The following CFAP251 variants were observed in gnomAD, a reference collection of about 807,000 sequenced individuals.
CFAP251 encodes cilia- and flagella-associated protein 251.
Under a neutral mutation model 126.7 loss-of-function variants are expected in CFAP251, and 93 were observed. That is an observed-to-expected ratio of 0.73 (90% CI 0.62 to 0.87). The LOEUF (loss-of-function observed/expected upper bound fraction) is 0.87, where lower values mean the gene tolerates loss of function less well. Among genes scored for constraint, CFAP251 ranks in the 40% least tolerant of loss-of-function variants. The pLI, the probability that CFAP251 is intolerant of heterozygous loss-of-function variation, is 0.00. For synonymous variants in CFAP251, 503 were observed against 506.9 expected, an observed-to-expected ratio of 0.99 and a Z score of 0.10; for missense variants, 1,287 against 1,389.2, an observed-to-expected ratio of 0.93 and a Z score of 1.17.
rs372896102 is a variant in CFAP251 at position 121,934,226 on chromosome 12, G to A, written c.889-21G>A. On this transcript the variant is annotated intron_variant, in intron 4 of 21. Transcript: ENST00000288912. Reference sequence around the variant, plus strand: ...GGCCGCATCTTGGATGTTTCAAAGCGTTTTCTCTCCATTTCCATAGGGCCA... The same window carrying A: ...GGCCGCATCTTGGATGTTTCAAAGCATTTTCTCTCCATTTCCATAGGGCCA... 8.7e-5 allele frequency: 139 copies of A among 1,604,078 alleles called. 1 individual carries two copies. In the African/African-American group the frequency reaches 1.4e-3, roughly 16 times the overall value.
intron 20 of CFAP251, among the ~76,000 whole-genome samples, chr12:122,000,244 C>T (rs908983027): frequency 1.1e-4 from 16 of 152,156 alleles, no homozygotes; most frequent in African/African-American, 3.9e-4. Flanking sequence ...ATCCATCTCC[C>T]TGGGCTGTCA....
chr12:121,927,005 A>G (rs1880445117), intron 3 of CFAP251, among the ~76,000 whole-genome samples: 1 of 152,114 alleles, frequency 6.6e-6, no homozygotes, highest in South Asian at 2.1e-4. Flanking sequence ...CAACTTATAC[A>G]TGTTTGAAGG....
In CFAP251 at chr12:121,921,366, A is replaced by G. The variant is rs2135741217; in HGVS notation, c.61A>G (p.Lys21Glu). The G allele has an allele frequency of 6.2e-7, 1 of 1,608,340 alleles. No homozygotes were observed. The highest frequency in any genetic ancestry group is 8.5e-7 in the Non-Finnish European group (1 of 1,178,656). ...AGGAGAAAATGGAGAAACAGAAATG[A>G]AAGAAGAGGAGGAACCTAATCCAAA... The part of the protein sequence containing the change: ...ATGENGETEM[K>E]EEEEPNPNYK... Residue 21 changes from lysine to glutamate, a missense_variant, in exon 2 of 22, where the codon AAA becomes GAA. Transcript: ENST00000288912.
chr12:121,982,440 C>T (rs975600776), intron 19 of CFAP251, among the ~76,000 whole-genome samples: 22 of 151,096 alleles, frequency 1.5e-4, no homozygotes, highest in African/African-American at 2.7e-4. Context: ...AGTGCAATGG[C>T]GCCATCTCAG....
At chr12:121,984,573 T>A (rs1326546478) in intron 19 of CFAP251, among the ~76,000 whole-genome samples, 2 of 152,222 alleles carry the variant, frequency 1.3e-5, no homozygotes, top group African/African-American at 4.8e-5. Flanking sequence ...CCCAAAGTGC[T>A]GGGATTACAA....
chr12:122,003,843 C>T lies in CFAP251; in HGVS notation c.*79C>T. ...TGTGTGTGTTTTCCATGAGGCACTGCTTTTTATGCATTTCCCTCCCCCCTC... is the reference window on the plus strand; with the variant it reads ...TGTGTGTGTTTTCCATGAGGCACTGTTTTTTATGCATTTCCCTCCCCCCTC... On this transcript the variant is annotated 3_prime_UTR_variant, in exon 22 of 22. Transcript: ENST00000288912. 1.9e-6 allele frequency: 2 copies of T among 1,048,904 alleles called. No individual in the cohort carries two copies. Among genetic ancestry groups the T allele is most frequent in the South Asian group, 1.8e-5 (1 of 57,114 alleles). 65.0% of individuals were successfully genotyped at this position (1,048,904 alleles called of 1,614,324 possible). A position where few individuals can be genotyped will look rare whatever the true frequency, so the allele number is the denominator to read the frequency against.
intron 5 of CFAP251, among the ~76,000 whole-genome samples, chr12:121,935,200 T>C (rs1880843624): frequency 6.6e-6 from 1 of 152,174 alleles, no homozygotes; most frequent in South Asian, 2.1e-4. Flanking sequence ...CAAGCCATCC[T>C]CCTGCCTCGG....
In CFAP251 at chr12:121,957,113, C is replaced by A. The variant is rs761554372; in HGVS notation, c.1575C>A (p.Phe525Leu). ...GTGACATTAAGGGGAACATTAAGTT[C>A]TATGATCACACCCTGTCTATTGTTA... Reference protein sequence around the residue: ...VTGDIKGNIKFYDHTLSIVNW... With the variant: ...VTGDIKGNIKLYDHTLSIVNW... Residue 525 changes from phenylalanine to leucine, a missense_variant, in exon 11 of 22, where the codon TTC (phenylalanine) becomes TTA (leucine). Transcript: ENST00000288912. 1.5e-5 allele frequency: 24 copies of A among 1,609,710 alleles called. No homozygotes were observed. Among genetic ancestry groups the A allele is most frequent in the Non-Finnish European group, 2.0e-5 (24 of 1,178,672 alleles).
chr12:121,969,340 T>C (rs1284580281), intron 17 of CFAP251: 14 of 985,264 alleles, frequency 1.4e-5, no homozygotes, highest in South Asian at 4.7e-5. Context: ...TCTTGGGAAC[T>C]TGAGGATTTA....
At chr12:121,971,647 G>A in intron 17 of CFAP251, 1 of 702,564 alleles carries the variant, frequency 1.4e-6, no homozygotes, top group Non-Finnish European at 2.6e-6. Flanking sequence ...AAGCAATGGA[G>A]GAGGCAGTGG....
At chr12:121,934,502 T>C (rs139082308) in intron 5 of CFAP251, 146 bp downstream of exon 5, 119 of 592,412 alleles carry the variant, frequency 2.0e-4, no homozygotes, top group Non-Finnish European at 2.4e-4. Flanking sequence ...TGACTCACAC[T>C]AACCTAGCTC....
At chr12:121,924,933 C>G (rs1015506530) in intron 3 of CFAP251, among the ~76,000 whole-genome samples, 5 of 151,966 alleles carry the variant, frequency 3.3e-5, no homozygotes, top group Non-Finnish European at 7.4e-5. Context: ...CCTCCTCCCC[C>G]TTTCCTTCCC....
At chr12:121,993,765 GC>G (rs1882942799) in intron 19 of CFAP251, among the ~76,000 whole-genome samples, 1 of 150,446 alleles carries the variant, frequency 6.6e-6, no homozygotes, top group African/African-American at 2.4e-5. Context: ...GAGCCCCTCT[GC>G]CCGGCCAGCA....
At chr12:121,927,665 G>A (rs1351966364) in intron 3 of CFAP251, among the ~76,000 whole-genome samples, 3 of 152,104 alleles carry the variant, frequency 2.0e-5, no homozygotes, top group Non-Finnish European at 4.4e-5. Context: ...ATTTCTTGCT[G>A]TCACACAAGG....
At chr12:121,963,961 CAGG>C (rs1364856079) in intron 15 of CFAP251, among the ~76,000 whole-genome samples, 1 of 151,928 alleles carries the variant, frequency 6.6e-6, no homozygotes, top group Non-Finnish European at 1.5e-5. Context: ...AGGATGGAGG[CAGG>C]AGAAGTTCGA....
At chr12:121,920,605 C>T (rs948390565) in intron 1 of CFAP251, among the ~76,000 whole-genome samples, 3 of 152,216 alleles carry the variant, frequency 2.0e-5, no homozygotes, top group African/African-American at 7.2e-5. Flanking sequence ...ACCGTGTTAG[C>T]CAGGATGGTC....
chr12:121,972,522 C>G (rs755504618), intron 17 of CFAP251, among the ~76,000 whole-genome samples: 2 of 150,054 alleles, frequency 1.3e-5, no homozygotes, highest in Non-Finnish European at 3.0e-5. Flanking sequence ...GAGTCTCACT[C>G]TTGTCACCCA....
At chr12:121,954,654 A>AC (rs1881658543) in intron 10 of CFAP251, among the ~76,000 whole-genome samples, 1 of 149,582 alleles carries the variant, frequency 6.7e-6, no homozygotes, top group Non-Finnish European at 1.5e-5. Context: ...AAAAAAAAAA[A>AC]AAAAAAAAAA....
chr12:121,924,038 C>T (rs374389793), intron 3 of CFAP251, 48 bp downstream of exon 3: 26 of 1,527,180 alleles, frequency 1.7e-5, no homozygotes, highest in Middle Eastern at 4.5e-4. Context: ...GAGAGTGTTG[C>T]GCAATAGGGG....
Sources: gnomAD v4.1 joint callset for allele counts (sites outside exome capture counted in the v4.1 genomes callset) on GRCh38, gnomAD v4.1.1 for gene constraint, MANE v1.5 for transcripts, NCBI Gene and HGNC (gene_info 2026-07-23, HGNC 2026-07-21) for gene names.